ERC2: variants seen among roughly 807,000 people sequenced by gnomAD.
The protein encoded by ERC2 is ERC protein 2.
A neutral mutation model predicts 114.8 loss-of-function variants in ERC2; 42 were observed. The observed-to-expected ratio is 0.37, with a 90% CI of 0.29 to 0.47. The LOEUF (loss-of-function observed/expected upper bound fraction) is 0.47, where lower values mean the gene tolerates loss of function less well. ERC2 is among the 20% of genes least tolerant of loss of function. ERC2 has a pLI of 0.99. For synonymous variants in ERC2, 454 were observed against 425.5 expected, an observed-to-expected ratio of 1.07 and a Z score of -0.82; for missense variants, 939 against 1,150.7, an observed-to-expected ratio of 0.82 and a Z score of 2.66.
At chr3:56,020,139 G>A (rs978247166) in intron 7 of ERC2, among the ~76,000 whole-genome samples, 8 of 152,272 alleles carry the variant, frequency 5.3e-5, no homozygotes, top group East Asian at 1.9e-4. Flanking sequence ...CAGTAGCAGC[G>A]TCAAAAACAG....
intron 17 of ERC2, among the ~76,000 whole-genome samples, chr3:55,566,376 A>G (rs1460515286): frequency 1.3e-5 from 2 of 152,104 alleles, no homozygotes; most frequent in East Asian, 1.9e-4. Flanking sequence ...TAATTATTCA[A>G]TGAATGCTTG....
chr3:56,016,046 TG>T (rs1236096108), intron 8 of ERC2, among the ~76,000 whole-genome samples: 2 of 152,182 alleles, frequency 1.3e-5, no homozygotes, highest in East Asian at 3.9e-4. Flanking sequence ...CACTTGTTAG[TG>T]GGGTTGTTTG....
chr3:55,536,484 A>G (rs1282093811), intron 17 of ERC2, among the ~76,000 whole-genome samples: 3 of 152,214 alleles, frequency 2.0e-5, no homozygotes, highest in African/African-American at 7.2e-5. Flanking sequence ...GATACAGAGT[A>G]TGTGCCCAAT....
intron 3 of ERC2, among the ~76,000 whole-genome samples, chr3:56,221,901 CA>C (rs561029187): frequency 5.7e-4 from 80 of 140,714 alleles, no homozygotes; most frequent in East Asian, 1.4e-3. Context: ...CGTCTCAAAA[CA>C]AAAAAAAAAA....
intron 3 of ERC2, among the ~76,000 whole-genome samples, chr3:56,232,072 T>G (rs9880047): frequency 0.59 from 89,486 of 150,794 alleles, 27,148 homozygotes; most frequent in East Asian, 0.86. Flanking sequence ...CAGTGTATAA[T>G]TGATCCTCCT....
chr3:56,366,106 C>T (rs2059139909), intron 2 of ERC2, among the ~76,000 whole-genome samples: 1 of 152,166 alleles, frequency 6.6e-6, no homozygotes, highest in Non-Finnish European at 1.5e-5. Context: ...TTGTCCCTTC[C>T]TCCAACCAAA....
rs73833503 is a variant in ERC2 at position 55,645,025 on chromosome 3, T to C, written c.*39+38769A>G. On this transcript the variant is annotated intron_variant, in intron 17 of 17. Transcript: ENST00000288221. ...CCCGTTTAAATACACAAGGTTCTCC[T>C]TACCGGAGAAAAACTGGAACCTGGA... Among the ~76,000 whole-genome samples the C allele has an allele frequency of 9.8e-3, 1,486 of 152,212 alleles. 29 individuals carry two copies. The highest frequency in any genetic ancestry group is 0.034 in the African/African-American group (1,412 of 41,522).
chr3:55,965,767 T>G (rs1162442286), intron 12 of ERC2, among the ~76,000 whole-genome samples: 2 of 152,222 alleles, frequency 1.3e-5, no homozygotes, highest in Non-Finnish European at 2.9e-5. Flanking sequence ...CAAAAATAAA[T>G]GGCTGATCTT....
intron 17 of ERC2, among the ~76,000 whole-genome samples, chr3:55,636,963 A>G (rs368082389): frequency 2.6e-5 from 4 of 152,104 alleles, no homozygotes; most frequent in South Asian, 2.1e-4. Context: ...CTTCTCTCCA[A>G]TCATTCACTG....
intron 17 of ERC2, among the ~76,000 whole-genome samples, chr3:55,610,060 C>CAAAAAAAAAAAAAAAAA (rs1172154104): frequency 5.9e-5 from 3 of 50,426 alleles, no homozygotes; most frequent in East Asian, 6.5e-4. Flanking sequence ...CAAACAAACA[C>CAAAAAAAAAAAAAAAAA]AAACAAAAAA....
chr3:56,336,529 C>T (rs2150476339), intron 2 of ERC2, among the ~76,000 whole-genome samples: 1 of 152,276 alleles, frequency 6.6e-6, no homozygotes, highest in East Asian at 1.9e-4. Flanking sequence ...TGCAGTGGCT[C>T]ATGTCTGTAA....
At chr3:55,807,323 G>A (rs760922164) in intron 14 of ERC2, among the ~76,000 whole-genome samples, 2 of 152,192 alleles carry the variant, frequency 1.3e-5, no homozygotes, top group Non-Finnish European at 2.9e-5. Context: ...ATTGAGAAGT[G>A]ATGTGTTGAT....
intron 3 of ERC2, among the ~76,000 whole-genome samples, chr3:56,257,145 C>T (rs1394021420): frequency 6.6e-6 from 1 of 152,108 alleles, no homozygotes; most frequent in Non-Finnish European, 1.5e-5. Context: ...CTACCCACCC[C>T]CAATCTCTTC....
At chr3:56,003,598 C>T (rs917731877) in intron 10 of ERC2, among the ~76,000 whole-genome samples, 1 of 151,962 alleles carries the variant, frequency 6.6e-6, no homozygotes, top group South Asian at 2.1e-4. Context: ...ATTTTCTATT[C>T]GGTCTATCTT....
intron 14 of ERC2, among the ~76,000 whole-genome samples, chr3:55,810,916 G>T (rs987324177): frequency 6.6e-6 from 1 of 152,074 alleles, no homozygotes; most frequent in Non-Finnish European, 1.5e-5. Flanking sequence ...TTATGTATCT[G>T]TCTAGTAGTT....
chr3:56,028,540 T>C (rs1390456706), intron 7 of ERC2, among the ~76,000 whole-genome samples: 1 of 152,122 alleles, frequency 6.6e-6, no homozygotes, highest in African/African-American at 2.4e-5. Context: ...TACATCTACA[T>C]ATTTTATTTT....
At chr3:56,464,935 T>G (rs1348086008) in intron 1 of ERC2, among the ~76,000 whole-genome samples, 1 of 151,494 alleles carries the variant, frequency 6.6e-6, no homozygotes, top group Non-Finnish European at 1.5e-5. Context: ...CAAATGCAGA[T>G]TGTACAAAAG....
chr3:55,765,550 A>G (rs2149007178), intron 14 of ERC2, among the ~76,000 whole-genome samples: 1 of 152,342 alleles, frequency 6.6e-6, no homozygotes, highest in Middle Eastern at 3.4e-3. Context: ...CTAATGACTC[A>G]AAATGAACAT....
chr3:55,846,744 C>T (rs950900023), intron 14 of ERC2, among the ~76,000 whole-genome samples: 3 of 145,938 alleles, frequency 2.1e-5, no homozygotes, highest in Non-Finnish European at 1.5e-5. Context: ...TTTCAGGTTA[C>T]GTCTGCATTA....
Sources: allele counts gnomAD v4.1 joint callset (sites outside exome capture counted in the v4.1 genomes callset), GRCh38; gene constraint gnomAD v4.1.1; transcripts MANE v1.5; gene names NCBI Gene and HGNC (gene_info 2026-07-23, HGNC 2026-07-21).